KHDRBS2: variants seen among roughly 807,000 people sequenced by gnomAD.
The protein encoded by KHDRBS2 is KH RNA binding domain containing, signal transduction associated 2, also known as KH domain-containing, RNA-binding, signal transduction-associated protein 2.
Under a neutral mutation model 44.3 loss-of-function variants are expected in KHDRBS2, and 26 were observed. The observed-to-expected ratio is 0.59, with a 90% CI of 0.43 to 0.81. The LOEUF is 0.81. Among genes scored for constraint, KHDRBS2 ranks in the 40% least tolerant of loss-of-function variants. KHDRBS2 has a pLI of 0.00. For missense variants in KHDRBS2, 476 were observed against 433.1 expected (o/e 1.10, Z -0.88); for synonymous variants, 194 against 151.1 (o/e 1.28, Z -2.08).
intron 2 of KHDRBS2, among the ~76,000 whole-genome samples, chr6:62,126,301 G>A (rs1044309200): frequency 6.6e-6 from 1 of 152,188 alleles, no homozygotes; most frequent in African/African-American, 2.4e-5. Flanking sequence ...ACTTTATCTT[G>A]TGTCTTGGGT....
At chr6:61,714,557 A>G (rs551815316) in intron 7 of KHDRBS2, among the ~76,000 whole-genome samples, 65 of 151,982 alleles carry the variant, frequency 4.3e-4, no homozygotes, top group South Asian at 2.3e-3. Flanking sequence ...CCAAAGGAAA[A>G]TAAATCATTT....
At chr6:61,635,409 G>T in the KHDRBS2 span, among the ~76,000 whole-genome samples, 1 of 151,988 alleles carries the variant, frequency 6.6e-6, no homozygotes, top group Non-Finnish European at 1.5e-5. Context: ...GTCTGCAAAT[G>T]AAAGGATTTA....
rs192775759 is a variant in KHDRBS2 at position 61,777,139 on chromosome 6, G to A, written c.811-44375C>T. Among the ~76,000 whole-genome samples, 11 of 152,098 alleles carry A rather than the reference G, an allele frequency of 7.2e-5. No homozygotes were observed. The East Asian group carries it at 9.7e-4, about 13-fold the overall frequency. ...AACATCACACACCAGAGACTGTTGG[G>A]GGGTGGGGGAAGGGGGGACGGGTAG... On this transcript the variant is annotated intron_variant, in intron 6 of 8. Transcript: ENST00000281156.
chr6:62,125,368 T>A (rs1243465424), intron 2 of KHDRBS2, among the ~76,000 whole-genome samples: 1 of 152,170 alleles, frequency 6.6e-6, no homozygotes, highest in Non-Finnish European at 1.5e-5. Flanking sequence ...AGCCTTGCCA[T>A]CCTCGGCTTA....
At chr6:61,632,477 C>T in the KHDRBS2 span, among the ~76,000 whole-genome samples, 427 of 152,082 alleles carry the variant, frequency 2.8e-3, no homozygotes, top group African/African-American at 9.7e-3. Context: ...TAGTAGAATA[C>T]GTTAGTTCAT....
At chr6:61,758,653 G>A (rs1344267767) in intron 6 of KHDRBS2, among the ~76,000 whole-genome samples, 1 of 151,958 alleles carries the variant, frequency 6.6e-6, no homozygotes, top group Non-Finnish European at 1.5e-5. Flanking sequence ...GCCCACAAGA[G>A]TACATAACTT....
intron 2 of KHDRBS2, among the ~76,000 whole-genome samples, chr6:62,095,666 G>C (rs1019417667): frequency 2.0e-5 from 3 of 151,820 alleles, no homozygotes; most frequent in Admixed American, 6.6e-5. Context: ...TCTCCAAACA[G>C]GGACAATCTA....
intron 1 of KHDRBS2, among the ~76,000 whole-genome samples, chr6:62,213,176 T>C (rs1163686055): frequency 3.3e-5 from 5 of 152,204 alleles, no homozygotes; most frequent in African/African-American, 9.6e-5. Flanking sequence ...TGCTGGGGCA[T>C]TGATAATGTG....
Position 61,967,054 on chromosome 6 carries a change from A to T in KHDRBS2, c.483+11012T>A, listed in dbSNP as rs1459271963. On this transcript the variant is annotated intron_variant, in intron 4 of 8. Transcript: ENST00000281156. ...GTATATTTTTAACTGAGATAAATTT[A>T]AAAAAATAGAATTATGGTAGTTTCC... is the stretch of plus-strand genomic sequence containing the variant. Among the ~76,000 whole-genome samples, 7 of 145,468 alleles carry T rather than the reference A, an allele frequency of 4.8e-5. No individual in the cohort carries two copies. In the East Asian group the frequency reaches 9.7e-4, roughly 20 times the overall value.
intron 6 of KHDRBS2, among the ~76,000 whole-genome samples, chr6:61,848,240 C>T (rs1794698063): frequency 6.6e-6 from 1 of 151,220 alleles, no homozygotes; most frequent in South Asian, 2.1e-4. Flanking sequence ...TGCAGGTAGC[C>T]TGTAGCCCAC....
chr6:61,814,424 T>C (rs909011370), intron 6 of KHDRBS2, among the ~76,000 whole-genome samples: 8 of 151,932 alleles, frequency 5.3e-5, no homozygotes, highest in African/African-American at 1.7e-4. Context: ...CTGGCTAACA[T>C]GGTGAAATCC....
the KHDRBS2 span, among the ~76,000 whole-genome samples, chr6:61,598,823 T>C: frequency 3.9e-5 from 3 of 76,888 alleles, no homozygotes; most frequent in Non-Finnish European, 2.7e-5. Context: ...GGGTAGAGTG[T>C]CCTTTTTTCT....
At chr6:61,586,474 C>T in the KHDRBS2 span, among the ~76,000 whole-genome samples, 99 of 152,220 alleles carry the variant, frequency 6.5e-4, 1 homozygote, top group Middle Eastern at 0.014. Flanking sequence ...CTAAGTGGCT[C>T]TAATAATGCC....
At chr6:61,559,014 C>G in the KHDRBS2 span, among the ~76,000 whole-genome samples, 1 of 152,054 alleles carries the variant, frequency 6.6e-6, no homozygotes, top group South Asian at 2.1e-4. Flanking sequence ...AAGTGTGATG[C>G]TGAAGTCTCC....
chr6:61,964,383 G>A (rs1370421997), intron 4 of KHDRBS2, among the ~76,000 whole-genome samples: 1 of 152,012 alleles, frequency 6.6e-6, no homozygotes, highest in East Asian at 1.9e-4. Flanking sequence ...GGCTTATAAA[G>A]TATAATCCAG....
intron 6 of KHDRBS2, among the ~76,000 whole-genome samples, chr6:61,832,588 A>G (rs1357012716): frequency 7.2e-6 from 1 of 139,846 alleles, no homozygotes; most frequent in Non-Finnish European, 1.5e-5. Flanking sequence ...GGGACATGAG[A>G]AAAAAAAAAA....
chr6:61,732,855 T>G, intron 6 of KHDRBS2, 91 bp from the exon 7 acceptor site: 1 of 747,206 alleles, frequency 1.3e-6, no homozygotes, highest in South Asian at 1.5e-5. Context: ...AATGTGATCT[T>G]GGTTTAGATT....
At chr6:62,044,388 A>G (rs1240105100) in intron 3 of KHDRBS2, among the ~76,000 whole-genome samples, 1 of 151,928 alleles carries the variant, frequency 6.6e-6, no homozygotes, top group Non-Finnish European at 1.5e-5. Context: ...AGGTGGAAAT[A>G]TCACTCGAGC....
At chr6:61,547,202 A>G in the KHDRBS2 span, among the ~76,000 whole-genome samples, 88 of 152,240 alleles carry the variant, frequency 5.8e-4, no homozygotes, top group African/African-American at 2.0e-3. Flanking sequence ...TGAGAAAGCA[A>G]TGTTGAATCA....
Sources: gnomAD v4.1 joint callset for allele counts (sites outside exome capture counted in the v4.1 genomes callset) on GRCh38, gnomAD v4.1.1 for gene constraint, MANE v1.5 for transcripts, NCBI Gene and HGNC (gene_info 2026-07-23, HGNC 2026-07-21) for gene names.